GSDME: variants seen among roughly 807,000 people sequenced by gnomAD.
GSDME encodes gasdermin E.
Under a neutral mutation model 47.5 loss-of-function variants are expected in GSDME, and 44 were observed. The ratio of observed to expected loss-of-function variants is 0.93; its 90% CI spans 0.73 to 1.19. The LOEUF is 1.19. Among genes scored for constraint, GSDME ranks in the 50% most tolerant of loss-of-function variants. GSDME has a pLI of 0.00. For synonymous variants in GSDME, 258 were observed against 252.8 expected (o/e 1.02, Z -0.20); for missense variants, 663 against 604.2 (o/e 1.10, Z -1.02).
intron 7 of GSDME, 35 bp downstream of exon 7, chr7:24,708,092 G>A: frequency 6.2e-7 from 1 of 1,612,708 alleles, no homozygotes; most frequent in Non-Finnish European, 8.5e-7. Context: ...GAAAACCCCA[G>A]TGAAAACACT....
the GSDME span, among the ~76,000 whole-genome samples, chr7:24,777,500 A>T: frequency 6.6e-6 from 1 of 152,212 alleles, no homozygotes; most frequent in Non-Finnish European, 1.5e-5. Context: ...ACATACAGAA[A>T]GTCACTGGCA....
chr7:24,726,995 G>T lies in GSDME; in HGVS notation c.405-7777C>A, dbSNP rs2721795. Among the ~76,000 whole-genome samples, 97,427 of 151,978 alleles carry T rather than the reference G, an allele frequency of 0.64. 33,981 individuals are homozygous for T. Among genetic ancestry groups the T allele is most frequent in the East Asian group, 0.99 (5,125 of 5,178 alleles). ...TATCTAGCTCTGGGCAGAAACTCAG[G>T]TTCATCTTTATTTTCACCTTGATTA... On this transcript the variant is annotated intron_variant, in intron 3 of 9. Coordinates refer to ENST00000645220, the MANE Select transcript of GSDME (RefSeq NM_001127453.2). This position sits in a 1 kb window ranked among gnomAD's most constrained non-coding sequence, Gnocchi z 5.6.
At chr7:24,759,224 T>C (rs1378255141), upstream of GSDME, among the ~76,000 whole-genome samples, 1 of 152,194 alleles carries the variant, frequency 6.6e-6, no homozygotes, top group Non-Finnish European at 1.5e-5. Context: ...TGCCAGAGAT[T>C]ATTGCATCCC....
In GSDME at chr7:24,707,927, C is replaced by T. The variant is rs919347157; in HGVS notation, c.990+200G>A. 9 of 633,046 alleles carry T rather than the reference C, an allele frequency of 1.4e-5. No individual in the cohort carries two copies. In the Admixed American group the frequency reaches 2.4e-4, roughly 17 times the overall value. 39.2% of individuals were successfully genotyped at this position (633,046 alleles called of 1,614,324 possible). A position where few individuals can be genotyped will look rare whatever the true frequency, so the allele number is the denominator to read the frequency against. On this transcript the variant is annotated intron_variant, in intron 7 of 9. Coordinates refer to ENST00000645220, the MANE Select transcript of GSDME (RefSeq NM_001127453.2). ...TAAGCCCTCAGGTTTGTTGAGGCAGCCCTAGGAAATTAACACCTCCCTCCA... is the reference window on the plus strand; with the variant it reads ...TAAGCCCTCAGGTTTGTTGAGGCAGTCCTAGGAAATTAACACCTCCCTCCA...
In GSDME at chr7:24,735,154, C is replaced by A. The variant is rs1191646671; in HGVS notation, c.404+9408G>T. ...AGAGTGGCATGACATATCTAAAGTG[C>A]TGAAGGAAAAAAACGTTTACACTAG... On this transcript the variant is annotated intron_variant, in intron 3 of 9. Coordinates refer to ENST00000645220, the MANE Select transcript of GSDME (RefSeq NM_001127453.2). The surrounding 1 kb of genome is among the most constrained non-coding windows in gnomAD (Gnocchi z 4.4). Among the ~76,000 whole-genome samples the A allele has an allele frequency of 6.6e-6, 1 of 152,058 alleles. No individual in the cohort carries two copies. Among genetic ancestry groups the A allele is most frequent in the Non-Finnish European group, 1.5e-5 (1 of 68,020 alleles).
rs1224328391 is a variant in GSDME at position 24,721,535 on chromosome 7, GC to G, written c.405-2318del. On this transcript the variant is annotated intron_variant, in intron 3 of 9. Transcript: ENST00000645220. The surrounding 1 kb of genome is among the most constrained non-coding windows in gnomAD (Gnocchi z 4.1). ...TCGTGCATGAACTGTTGGTAACAGG[GC>G]CCCCTCCTCATGGGGTTCCGTCAGG... Among the ~76,000 whole-genome samples, 2 of 152,168 alleles carry G rather than the reference GC, an allele frequency of 1.3e-5. No homozygotes were observed. Among genetic ancestry groups the G allele is most frequent in the Non-Finnish European group, 2.9e-5 (2 of 68,028 alleles).
At chr7:24,766,826 G>A in the GSDME span, among the ~76,000 whole-genome samples, 2 of 152,106 alleles carry the variant, frequency 1.3e-5, no homozygotes, top group Non-Finnish European at 2.9e-5. This position sits in a 1 kb window ranked among gnomAD's most constrained non-coding sequence, Gnocchi z 4.2. Context: ...CCCAGTAATG[G>A]GATTGCTGAA....
chr7:24,744,903 G>T lies in GSDME; in HGVS notation c.212-149C>A. 1 of 832,066 alleles carries T rather than the reference G, an allele frequency of 1.2e-6. No individual in the cohort carries two copies. The highest frequency in any genetic ancestry group is 2.0e-6 in the Non-Finnish European group (1 of 512,710). 51.5% of individuals were successfully genotyped at this position (832,066 alleles called of 1,614,324 possible). On this transcript the variant is annotated intron_variant, in intron 2 of 9. Transcript: ENST00000645220. The surrounding 1 kb of genome is among the most constrained non-coding windows in gnomAD (Gnocchi z 4.5). Reference sequence around the variant, plus strand: ...AGCCGGCAGCCATGCTGTGTGTGTGGGCAAGAAAACAGGGCAGCACGTGTG... The same window carrying T: ...AGCCGGCAGCCATGCTGTGTGTGTGTGCAAGAAAACAGGGCAGCACGTGTG...
Position 24,702,895 on chromosome 7 carries a change from C to A in GSDME, c.1184-62G>T, listed in dbSNP as rs10267660. On this transcript the variant is annotated intron_variant, in intron 8 of 9. Transcript: ENST00000645220. ...AACAAGTCCATGGGAACAGAGCCAG[C>A]CCCTGGATGGCACCTAACTTATATT... 2.1e-6 allele frequency: 3 copies of A among 1,412,152 alleles called. No homozygotes were observed. In the South Asian group the frequency reaches 3.5e-5, roughly 16 times the overall value. 87.5% of individuals were successfully genotyped at this position (1,412,152 alleles called of 1,614,324 possible).
Position 24,735,760 on chromosome 7 carries a change from AAAATAAATAAATAAATAAAT to A in GSDME, c.404+8782_404+8801del, listed in dbSNP as rs147090379. ...GTGACAACAGCAAAACTCTATCTCA[AAAATAAATAAATAAATAAAT>A]AAATAAATAAATAAATAAATAAATA... is the stretch of plus-strand genomic sequence containing the variant. On this transcript the variant is annotated intron_variant, in intron 3 of 9. Coordinates refer to ENST00000645220, the MANE Select transcript of GSDME (RefSeq NM_001127453.2). This position sits in a 1 kb window ranked among gnomAD's most constrained non-coding sequence, Gnocchi z 4.4. Among the ~76,000 whole-genome samples, 473 of 143,016 alleles carry A rather than the reference AAAATAAATAAATAAATAAAT, an allele frequency of 3.3e-3. 6 individuals are homozygous for A. Among genetic ancestry groups the A allele is most frequent in the East Asian group, 0.028 (141 of 4,970 alleles). 93.8% of individuals were successfully genotyped at this position (143,016 alleles called of 152,430 possible).
intron 3 of GSDME, among the ~76,000 whole-genome samples, 184 bp from the exon 4 acceptor site, chr7:24,719,402 A>C (rs1269183916): frequency 1.3e-5 from 2 of 152,124 alleles, no homozygotes. Flanking sequence ...TCTTGAGGCC[A>C]CCTCAGAGCT....
At chr7:24,743,927 A>G (rs1164008030) in intron 3 of GSDME, 1 of 155,870 alleles carries the variant, frequency 6.4e-6, no homozygotes, top group Non-Finnish European at 1.4e-5. Flanking sequence ...ACTAGAATGC[A>G]AGGCAGACAT....
At chr7:24,707,503 C>T in intron 7 of GSDME, 1 of 459,222 alleles carries the variant, frequency 2.2e-6, no homozygotes, top group Non-Finnish European at 4.6e-6. Context: ...GATTCCACCA[C>T]ACGACCCCCT....
chr7:24,708,367 C>A, intron 6 of GSDME, 113 bp from the exon 7 acceptor site: 4 of 1,276,414 alleles, frequency 3.1e-6, no homozygotes, highest in Non-Finnish European at 3.3e-6. Context: ...ATGGATATTC[C>A]CAGCTGCATA....
chr7:24,706,929 G>A (rs2128048101), intron 7 of GSDME, among the ~76,000 whole-genome samples: 1 of 152,342 alleles, frequency 6.6e-6, no homozygotes, highest in Admixed American at 6.5e-5. Context: ...CACCAGCCGG[G>A]CAGCTTGCTT....
Position 24,719,234 on chromosome 7 carries a change from G to C in GSDME, c.405-16C>G, listed in dbSNP as rs748849547. 6.2e-7 allele frequency: 1 copy of C among 1,605,934 alleles called. No homozygotes were observed. The highest frequency in any genetic ancestry group is 8.5e-7 in the Non-Finnish European group (1 of 1,179,598). The stretch of plus-strand genomic sequence containing the variant: ...ATTTATTGTTCTGAAAAAGAAAAAC[G>C]GATGTGAGTGGCTTAGTGCCTCAGG... On this transcript the variant is annotated splice_polypyrimidine_tract_variant and intron_variant, in intron 3 of 9. Coordinates refer to ENST00000645220, the MANE Select transcript of GSDME (RefSeq NM_001127453.2).
At chr7:24,741,822 A>G (rs1790501811) in intron 3 of GSDME, among the ~76,000 whole-genome samples, 1 of 151,478 alleles carries the variant, frequency 6.6e-6, no homozygotes, top group Non-Finnish European at 1.5e-5. Context: ...CTCCAGCATG[A>G]CGTAACAAGA....
chr7:24,702,499 A>G (rs1788909547), intron 9 of GSDME: 3 of 399,052 alleles, frequency 7.5e-6, no homozygotes, highest in Admixed American at 6.7e-5. Context: ...TGGGAAAAGT[A>G]TAAGAGTTGG....
At chr7:24,703,921 A>C (rs1203683171) in intron 8 of GSDME, 1 of 152,226 alleles carries the variant, frequency 6.6e-6, no homozygotes, top group Non-Finnish European at 1.5e-5. Flanking sequence ...CAGCCATCTC[A>C]TCTGCCATTA....
Sources: gnomAD v4.1 joint callset for allele counts (sites outside exome capture counted in the v4.1 genomes callset) on GRCh38, gnomAD v4.1.1 for gene constraint, Gnocchi (gnomAD v3.1) non-coding constraint, MANE v1.5 for transcripts, NCBI Gene and HGNC (gene_info 2026-07-23, HGNC 2026-07-21) for gene names.